The following IAPP variants were observed in gnomAD, a reference collection of about 807,000 sequenced individuals.
IAPP encodes Islet amyloid polypeptide (diabetes-associated peptide; amylin).
Under a neutral mutation model 2.9 loss-of-function variants are expected in IAPP, and 4 were observed. The ratio of observed to expected loss-of-function variants is 1.39; its 90% CI spans 0.69 to 3.19. The LOEUF (loss-of-function observed/expected upper bound fraction) is 3.19, where lower values mean the gene tolerates loss of function less well. IAPP is among the 30% of genes most tolerant of loss of function. IAPP has a pLI of 0.01. For missense variants in IAPP, 114 were observed against 105.3 expected, an observed-to-expected ratio of 1.08 and a Z score of -0.36; for synonymous variants, 40 against 42.1, an observed-to-expected ratio of 0.95 and a Z score of 0.19.
At chr12:21,367,978 C>T (rs972569290), upstream of IAPP, among the ~76,000 whole-genome samples, 4 of 152,032 alleles carry the variant, frequency 2.6e-5, no homozygotes, top group East Asian at 7.7e-4. Context: ...AAATGAATGA[C>T]AGAATTAGAC....
intron 1 of IAPP, among the ~76,000 whole-genome samples, chr12:21,359,458 T>G (rs1938640999): frequency 6.6e-6 from 1 of 152,142 alleles, no homozygotes; most frequent in Admixed American, 6.5e-5. Flanking sequence ...ATACTGATAT[T>G]TGGGAGTCTC....
intron 1 of IAPP, among the ~76,000 whole-genome samples, chr12:21,366,891 G>A (rs1939430899): frequency 6.6e-6 from 1 of 151,920 alleles, no homozygotes; most frequent in African/African-American, 2.4e-5. Context: ...ATTAATAAAA[G>A]CGTTTTGGGA....
intron 2 of IAPP, among the ~76,000 whole-genome samples, chr12:21,377,441 C>T (rs919953410): frequency 1.3e-5 from 2 of 152,042 alleles, no homozygotes; most frequent in Non-Finnish European, 2.9e-5. Flanking sequence ...ACCCTTTTAA[C>T]AAATTTTTAA....
chr12:21,362,751 A>G (rs1939022235), intron 1 of IAPP, among the ~76,000 whole-genome samples: 1 of 152,222 alleles, frequency 6.6e-6, no homozygotes, highest in African/African-American at 2.4e-5. Context: ...TTGCAATCCT[A>G]GTCTCTGATA....
Position 21,378,222 on chromosome 12 carries a change from G to T in IAPP, c.81-15G>T. 1 of 1,613,114 alleles carries T rather than the reference G, an allele frequency of 6.2e-7. No homozygotes were observed. The highest frequency in any genetic ancestry group is 8.5e-7 in the Non-Finnish European group (1 of 1,179,084). ...TCTAAGGCTCTAACTTTTCACATTT[G>T]TTCCATGTTACCAGTCATCAGGTGG... On this transcript the variant is annotated splice_polypyrimidine_tract_variant and intron_variant, in intron 2 of 2. Transcript: ENST00000240652.
chr12:21,363,647 T>C (rs993285401), intron 1 of IAPP, among the ~76,000 whole-genome samples: 11 of 152,086 alleles, frequency 7.2e-5, no homozygotes, highest in Non-Finnish European at 1.5e-4. Context: ...GATAGACTGC[T>C]AGCAAGACTA....
At chr12:21,361,537 T>C (rs190939047) in intron 1 of IAPP, among the ~76,000 whole-genome samples, 2 of 152,310 alleles carry the variant, frequency 1.3e-5, no homozygotes, top group African/African-American at 4.8e-5. Flanking sequence ...GGACAGAGAA[T>C]GACTTTGACG....
intron 1 of IAPP, among the ~76,000 whole-genome samples, chr12:21,356,120 T>C (rs1192603667): frequency 7.2e-5 from 11 of 152,068 alleles, no homozygotes; most frequent in African/African-American, 2.7e-4. Context: ...CACAGCTCTA[T>C]AAGTAACTAG....
At chr12:21,368,922 TTAATAAATCAAGAG>T (rs1223161882), upstream of IAPP, among the ~76,000 whole-genome samples, 2 of 152,102 alleles carry the variant, frequency 1.3e-5, no homozygotes, top group Non-Finnish European at 2.9e-5. Flanking sequence ...AAATGTAAAT[TTAATAAATCAAGAG>T]TGTCCAGAGA....
upstream of IAPP, among the ~76,000 whole-genome samples, chr12:21,372,568 T>C (rs966494666): frequency 6.6e-6 from 1 of 152,226 alleles, no homozygotes; most frequent in Non-Finnish European, 1.5e-5. Context: ...TGTTTGCATA[T>C]ATGCACATTT....
At chr12:21,371,881 A>G (rs1265353556), upstream of IAPP, among the ~76,000 whole-genome samples, 1 of 152,112 alleles carries the variant, frequency 6.6e-6, no homozygotes, top group Non-Finnish European at 1.5e-5. Flanking sequence ...GCATGCCTGT[A>G]ATCCCAGCTA....
intron 2 of IAPP, chr12:21,376,491 T>C (rs1940201630): frequency 5.6e-6 from 1 of 179,620 alleles, no homozygotes; most frequent in African/African-American, 2.4e-5. Context: ...ATTGAACAGA[T>C]AGTGTGAATG....
chr12:21,360,798 C>T lies in IAPP; in HGVS notation c.-16+5785C>T, dbSNP rs566903921. Among the ~76,000 whole-genome samples, 4 of 152,340 alleles carry T rather than the reference C, an allele frequency of 2.6e-5. No homozygotes were observed. The East Asian group carries it at 7.7e-4, about 29-fold the overall frequency. On this transcript the variant is annotated intron_variant, in intron 1 of 2. Transcript: ENST00000539393. ...GGAGGCTCGCTCACTGCTAGCACAG[C>T]AGTCTGAGATGGAACTGCAAGGCAG...
At chr12:21,372,156 G>A (rs1384586632), upstream of IAPP, among the ~76,000 whole-genome samples, 2 of 152,154 alleles carry the variant, frequency 1.3e-5, no homozygotes, top group Non-Finnish European at 2.9e-5. Context: ...GAGCTAATGG[G>A]AAACAAATCT....
At chr12:21,373,807 C>A in intron 2 of IAPP, 1 of 630,702 alleles carries the variant, frequency 1.6e-6, no homozygotes, top group Non-Finnish European at 2.8e-6. Context: ...TATTTTTATA[C>A]CAAGTGGATT....
rs1312969547 is a variant in IAPP, at chr12:21,378,366, T to C, written c.210T>C (p.Tyr70=). 6 of 1,614,174 alleles carry C rather than the reference T, an allele frequency of 3.7e-6. 1 individual carries two copies. Among genetic ancestry groups the C allele is most frequent in the Admixed American group, 3.3e-5 (2 of 60,022 alleles). The change falls in exon 3 of 3, where the codon TAT becomes TAC. Residue 70 remains tyrosine (Y), a synonymous_variant. Transcript: ENST00000240652. The part of the protein sequence containing the change: ...LSSTNVGSNT[Y]GKRNAVEVLK... Reference sequence around the variant, plus strand: ...CTACCAACGTGGGATCCAATACATATGGCAAGAGGAATGCAGTAGAGGTTT... The same window carrying C: ...CTACCAACGTGGGATCCAATACATACGGCAAGAGGAATGCAGTAGAGGTTT...
chr12:21,373,597 A>G (rs2137094339), intron 2 of IAPP, 166 bp downstream of exon 2: 1 of 703,584 alleles, frequency 1.4e-6, no homozygotes, highest in South Asian at 1.5e-5. Flanking sequence ...TCTTTAAAGA[A>G]TAACACCAGT....
intron 1 of IAPP, among the ~76,000 whole-genome samples, chr12:21,363,769 C>A (rs1939137515): frequency 6.6e-6 from 1 of 152,166 alleles, no homozygotes; most frequent in African/African-American, 2.4e-5. Context: ...CTATAAACAC[C>A]TCTGTGCAAA....
intron 1 of IAPP, among the ~76,000 whole-genome samples, chr12:21,362,760 T>C (rs1939023449): frequency 6.6e-6 from 1 of 152,080 alleles, no homozygotes; most frequent in Non-Finnish European, 1.5e-5. Flanking sequence ...TAGTCTCTGA[T>C]AAAACAGACT....
Sources: allele counts gnomAD v4.1 joint callset (sites outside exome capture counted in the v4.1 genomes callset), GRCh38; gene constraint gnomAD v4.1.1; transcripts MANE v1.5; gene names NCBI Gene and HGNC (gene_info 2026-07-23, HGNC 2026-07-21).